Variants in CHD3 observed in about 807,000 individuals in gnomAD.
CHD3 encodes chromodomain helicase DNA binding protein 3, also known as ATP-dependent chromatin remodeler CHD3.
A neutral mutation model predicts 248.9 loss-of-function variants in CHD3; 52 were observed. The observed-to-expected ratio is 0.21, with a 90% CI of 0.17 to 0.26. The LOEUF (loss-of-function observed/expected upper bound fraction) is 0.26. Among genes scored for constraint, CHD3 ranks in the 10% least tolerant of loss-of-function variants. The pLI, the probability that CHD3 is intolerant of heterozygous loss-of-function variation, is 1.00. For synonymous variants in CHD3, 985 were observed against 985.2 expected (o/e 1.00, Z 0.00); for missense variants, 1,482 against 2,605.8 (o/e 0.57, Z 9.39).
chr17:7,899,775 G>T lies in CHD3; in HGVS notation c.2545-121G>T. ...TTAGGAGCCATGGTCTGTAATCCCT[G>T]CTTGGAGAACAGAGTAATGGCTCCT... On this transcript the variant is annotated intron_variant, in intron 15 of 39. Transcript: ENST00000330494. The surrounding 1 kb of genome is among the most constrained non-coding windows in gnomAD (Gnocchi z 6.8). The T allele has an allele frequency of 7.6e-7, 1 of 1,309,560 alleles. No homozygotes were observed. Among genetic ancestry groups the T allele is most frequent in the Middle Eastern group, 2.7e-4 (1 of 3,648 alleles). The allele number at this position is 1,309,560 out of a possible 1,614,324, so 81.1% of individuals were successfully genotyped here.
Position 7,908,844 on chromosome 17 carries a change from G to A in CHD3, c.5394+15G>A. On this transcript the variant is annotated intron_variant, in intron 36 of 39. Transcript: ENST00000330494. The surrounding 1 kb of genome is among the most constrained non-coding windows in gnomAD (Gnocchi z 5.8). ...GGAGGTTCAAGGTGGGAATGAGGGA[G>A]GAAAGGAGCGGGTTATAGACGGGCT... The A allele has an allele frequency of 1.2e-6, 2 of 1,614,116 alleles. No individual in the cohort carries two copies. The highest frequency in any genetic ancestry group is 1.7e-6 in the Non-Finnish European group (2 of 1,179,988).
chr17:7,893,750 T>C, intron 5 of CHD3, 55 bp from the exon 6 acceptor site: 1 of 1,592,436 alleles, frequency 6.3e-7, no homozygotes, highest in South Asian at 1.1e-5. Context: ...CCTCCATAAT[T>C]CCAGGATGTC....
rs374750174 is a variant in CHD3, at chr17:7,905,828, G to A, written c.4225-28G>A. 29 of 1,613,940 alleles carry A rather than the reference G, an allele frequency of 1.8e-5. No individual in the cohort carries two copies. The highest frequency in any genetic ancestry group is 1.6e-4 in the Middle Eastern group (1 of 6,082). Reference sequence around the variant, plus strand: ...GACCTAAGAACCCTAGACATTTGTCGCCATTGCCTCCTTGCTCCCACCCTC... The same window carrying A: ...GACCTAAGAACCCTAGACATTTGTCACCATTGCCTCCTTGCTCCCACCCTC... On this transcript the variant is annotated intron_variant, in intron 27 of 39. Coordinates refer to ENST00000330494, the MANE Select transcript of CHD3 (RefSeq NM_001005273.3). The surrounding 1 kb of genome is among the most constrained non-coding windows in gnomAD (Gnocchi z 5.8).
In CHD3 at chr17:7,909,452, C is replaced by T; in HGVS notation, c.5590+114C>T. ...GACCCCTCTACCTGCTGAACCATCC[C>T]CCTCTGACCTCTAACCCCACTCCTA... On this transcript the variant is annotated intron_variant, in intron 37 of 39. Coordinates refer to ENST00000330494, the MANE Select transcript of CHD3 (RefSeq NM_001005273.3). This position sits in a 1 kb window ranked among gnomAD's most constrained non-coding sequence, Gnocchi z 8.1. 3 of 1,390,250 alleles carry T rather than the reference C, an allele frequency of 2.2e-6. No individual in the cohort carries two copies. The highest frequency in any genetic ancestry group is 2.8e-6 in the Non-Finnish European group (3 of 1,056,060). The allele number at this position is 1,390,250 out of a possible 1,614,324, so 86.1% of individuals were successfully genotyped here.
At chr17:7,885,053 C>A, upstream of CHD3, 1 of 1,012,470 alleles carries the variant, frequency 9.9e-7, no homozygotes, top group Non-Finnish European at 1.2e-6. Context: ...GCCGCCACCG[C>A]TGCCCCCGCC....
chr17:7,894,006 A>G lies in CHD3; in HGVS notation c.924+71A>G, dbSNP rs1326490762. 4 of 1,573,754 alleles carry G rather than the reference A, an allele frequency of 2.5e-6. No individual in the cohort carries two copies. The Admixed American group carries it at 6.9e-5, about 27-fold the overall frequency. ...CCAGAGACAGGGATCCGTGAGGGCC[A>G]AGGATCCAGAGACAGGGATCCGTGA... On this transcript the variant is annotated intron_variant, in intron 6 of 39. Transcript: ENST00000330494.
In CHD3 at chr17:7,910,519, C is replaced by T. The variant is rs764809850; in HGVS notation, c.5682C>T (p.Ala1894=). The change falls in exon 38 of 40, where the codon GCC becomes GCT. Residue 1894 remains alanine, a synonymous_variant. Coordinates refer to ENST00000330494, the MANE Select transcript of CHD3 (RefSeq NM_001005273.3). The surrounding 1 kb of genome is among the most constrained non-coding windows in gnomAD (Gnocchi z 4.7). ...TGTCCCGAATACCCCCCATCGCAGC[C>T]CGCCTTCAGATGTCCGAGCGCAGCA... The part of the protein sequence containing the change: ...ATLSRIPPIA[A]RLQMSERSIL... The T allele has an allele frequency of 2.5e-6, 4 of 1,613,886 alleles. No homozygotes were observed. In the South Asian group the frequency reaches 4.4e-5, roughly 18 times the overall value.
Position 7,912,455 on chromosome 17 carries a change from AC to A in CHD3, c.*871del, listed in dbSNP as rs142036457. 0.019 allele frequency: 2,894 copies of A among 152,344 alleles called. 85 individuals are homozygous for A. Among genetic ancestry groups the A allele is most frequent in the African/African-American group, 0.064 (2,673 of 41,516 alleles). The allele number at this position is 152,344 out of a possible 1,614,324, so 9.4% of individuals were successfully genotyped here. ...TACCCTCCCTCCTCAAGGCCTGGAT[AC>A]AGACTAAATTTGTATAAGTCAGGCA... On this transcript the variant is annotated 3_prime_UTR_variant, in exon 40 of 40. Transcript: ENST00000330494.
rs1971403259 is a variant in CHD3 at position 7,909,588 on chromosome 17, CTG to C, written c.5590+254_5590+255del. ...CCAATAGAGGGACCTGCCCCAGCCT[CTG>C]TGTCCCCTCCACACAGTGGGGCCTC... On this transcript the variant is annotated intron_variant, in intron 37 of 39. Transcript: ENST00000330494. The surrounding 1 kb of genome is among the most constrained non-coding windows in gnomAD (Gnocchi z 8.1). 3 of 556,512 alleles carry C rather than the reference CTG, an allele frequency of 5.4e-6. No homozygotes were observed. The South Asian group carries it at 7.1e-5, about 13-fold the overall frequency. 34.5% of individuals were successfully genotyped at this position (556,512 alleles called of 1,614,324 possible). A position where few individuals can be genotyped will look rare whatever the true frequency, so the allele number is the denominator to read the frequency against.
Position 7,905,248 on chromosome 17 carries a change from TA to T in CHD3, c.4138+89del. ...TTTAAGCCCACTGTTTTTATACAAG[TA>T]AAAAAGTCTTCGTGTGTGTGTGGAA... On this transcript the variant is annotated intron_variant, in intron 26 of 39. Coordinates refer to ENST00000330494, the MANE Select transcript of CHD3 (RefSeq NM_001005273.3). The surrounding 1 kb of genome is among the most constrained non-coding windows in gnomAD (Gnocchi z 5.8). 1 of 1,301,122 alleles carries T rather than the reference TA, an allele frequency of 7.7e-7. No homozygotes were observed. The highest frequency in any genetic ancestry group is 1.2e-5 in the South Asian group (1 of 83,670). 80.6% of individuals were successfully genotyped at this position (1,301,122 alleles called of 1,614,324 possible).
chr17:7,907,625 G>C lies in CHD3; in HGVS notation c.4949G>C (p.Arg1650Thr), dbSNP rs758665200. The C allele has an allele frequency of 4.6e-6, 7 of 1,521,524 alleles. No individual in the cohort carries two copies. In the Admixed American group the frequency reaches 1.0e-4, roughly 23 times the overall value. 94.3% of individuals were successfully genotyped at this position (1,521,524 alleles called of 1,614,324 possible). A position where few individuals can be genotyped will look rare whatever the true frequency, so the allele number is the denominator to read the frequency against. ...KSATESTPGERGEEKPLDGQE... is the reference protein window; with the variant it reads ...KSATESTPGETGEEKPLDGQE... ...GCCACAGAGTCGACGCCAGGAGAAA[G>C]GGGGGAGGAGAAGCCGTTGGATGGA... is the stretch of plus-strand genomic sequence containing the variant. Residue 1650 changes from arginine to threonine, a missense_variant, in exon 33 of 40, where the codon AGG becomes ACG. Arg to Thr is a moderately conservative substitution (Grantham distance 71). Transcript: ENST00000330494. This position sits in a 1 kb window ranked among gnomAD's most constrained non-coding sequence, Gnocchi z 4.3.
At chr17:7,902,837 T>C (rs1970474973) in intron 21 of CHD3, 100 bp from the exon 22 acceptor site, 6 of 1,580,390 alleles carry the variant, frequency 3.8e-6, no homozygotes, top group Non-Finnish European at 5.2e-6. Context: ...ACTTAGGCTT[T>C]GAGTTGGGGG....
At chr17:7,896,368 A>T in intron 10 of CHD3, among the ~76,000 whole-genome samples, 1 of 144,378 alleles carries the variant, frequency 6.9e-6, no homozygotes, top group African/African-American at 2.6e-5. Context: ...CTTGGCTTTG[A>T]CTCATTTATC....
chr17:7,886,511 G>A (rs1967974646), upstream of CHD3, among the ~76,000 whole-genome samples: 1 of 152,202 alleles, frequency 6.6e-6, no homozygotes, highest in Non-Finnish European at 1.5e-5. The surrounding 1 kb of genome is among the most constrained non-coding windows in gnomAD (Gnocchi z 4.2). Flanking sequence ...TTCCTGTCTA[G>A]CCGAGACGAC....
At position 7,904,426 on chromosome 17, in the gene CHD3, T is replaced by C. The variant is rs754853963; in HGVS notation, c.3895-16T>C. On this transcript the variant is annotated splice_polypyrimidine_tract_variant and intron_variant, in intron 24 of 39. Transcript: ENST00000330494. This position sits in a 1 kb window ranked among gnomAD's most constrained non-coding sequence, Gnocchi z 4.4. ...GAAGGAGACCCCCAGTGTTCATTCA[T>C]TCTGTTGCCCTTCAGATTGAGGAAA... The C allele has an allele frequency of 6.2e-7, 1 of 1,607,422 alleles. No homozygotes were observed. Among genetic ancestry groups the C allele is most frequent in the East Asian group, 2.2e-5 (1 of 44,736 alleles).
upstream of CHD3, chr17:7,885,310 G>GCCGCCGCCGCCC (rs1285726917): frequency 2.9e-5 from 3 of 102,782 alleles, no homozygotes; most frequent in African/African-American, 1.3e-4. Context: ...CCCCTCCCCC[G>GCCGCCGCCGCCC]CCGCCGCCGC....
chr17:7,885,558 A>C (rs1485361760), upstream of CHD3, among the ~76,000 whole-genome samples: 16 of 149,824 alleles, frequency 1.1e-4, no homozygotes, highest in South Asian at 3.4e-3. Flanking sequence ...GGGGAGGGGC[A>C]CGTGGGGGAG....
At position 7,909,586 on chromosome 17, in the gene CHD3, C is replaced by A. The variant is rs969481118; in HGVS notation, c.5590+248C>A. 3.6e-6 allele frequency: 2 copies of A among 560,644 alleles called. No individual in the cohort carries two copies. Among genetic ancestry groups the A allele is most frequent in the African/African-American group, 3.9e-5 (2 of 51,432 alleles). 34.7% of individuals were successfully genotyped at this position (560,644 alleles called of 1,614,324 possible). ...GCCCAATAGAGGGACCTGCCCCAGC[C>A]TCTGTGTCCCCTCCACACAGTGGGG... is the stretch of plus-strand genomic sequence containing the variant. On this transcript the variant is annotated intron_variant, in intron 37 of 39. Transcript: ENST00000330494. This position sits in a 1 kb window ranked among gnomAD's most constrained non-coding sequence, Gnocchi z 8.1.
chr17:7,897,911 C>G lies in CHD3; in HGVS notation c.1920-60C>G. 2.0e-6 allele frequency: 3 copies of G among 1,535,652 alleles called. No individual in the cohort carries two copies. The highest frequency in any genetic ancestry group is 2.6e-6 in the Non-Finnish European group (3 of 1,140,646). On this transcript the variant is annotated intron_variant, in intron 11 of 39. Coordinates refer to ENST00000330494, the MANE Select transcript of CHD3 (RefSeq NM_001005273.3). The surrounding 1 kb of genome is among the most constrained non-coding windows in gnomAD (Gnocchi z 4.8). ...TAATTGCGTTTCTCAGGCCTTCTTT[C>G]TGTTTGTGATCTGTGCAATATTTTC...
Sources: gnomAD v4.1 joint callset for allele counts (sites outside exome capture counted in the v4.1 genomes callset) on GRCh38, gnomAD v4.1.1 for gene constraint, Gnocchi (gnomAD v3.1) non-coding constraint, MANE v1.5 for transcripts, NCBI Gene and HGNC (gene_info 2026-07-23, HGNC 2026-07-21) for gene names.